Variants in MAGI3 observed in about 807,000 individuals in gnomAD.
MAGI3 encodes membrane-associated guanylate kinase, WW and PDZ domain-containing protein 3.
MAGI3 carries 43 observed loss-of-function variants against 121.8 expected under a neutral mutation model. The observed-to-expected ratio is 0.35, with a 90% CI of 0.28 to 0.46. The LOEUF is 0.46. Ranked by LOEUF, MAGI3 falls within the 20% of genes least tolerant of loss-of-function variation. The pLI is 1.00. For synonymous variants in MAGI3, 553 were observed against 639.3 expected, an observed-to-expected ratio of 0.86 and a Z score of 2.04; for missense variants, 1,547 against 1,797.3, an observed-to-expected ratio of 0.86 and a Z score of 2.52.
Position 113,585,513 on chromosome 1 carries a change from G to A in MAGI3, c.680G>A (p.Ser227Asn), listed in dbSNP as rs773419465. 6.2e-7 allele frequency: 1 copy of A among 1,614,128 alleles called. No homozygotes were observed. The highest frequency in any genetic ancestry group is 8.5e-7 in the Non-Finnish European group (1 of 1,180,014). ...CAAAGAAAACGAACGACATCTGTCA[G>A]CAAGATGGAAAGAATGGATAGCTCT... ...ESQRKRTTSV[S>N]KMERMDSSLP... is the part of the protein sequence containing the mutation. The change falls in exon 4 of 21, where the codon AGC (serine) becomes AAC (asparagine). Residue 227 changes from serine (S) to asparagine (N), a missense_variant. By Grantham distance (46) the Ser-to-Asn change is conservative (BLOSUM62 1). Coordinates refer to ENST00000307546, the MANE Select transcript of MAGI3 (RefSeq NM_001142782.2).
intron 1 of MAGI3, among the ~76,000 whole-genome samples, chr1:113,487,285 A>G (rs1291653562): frequency 6.6e-6 from 1 of 152,226 alleles, no homozygotes; most frequent in Admixed American, 6.5e-5. Context: ...GACAGAAGAA[A>G]CTTGGCTGGG....
At chr1:113,514,643 G>A (rs980486253) in intron 1 of MAGI3, among the ~76,000 whole-genome samples, 1 of 151,998 alleles carries the variant, frequency 6.6e-6, no homozygotes, top group Non-Finnish European at 1.5e-5. Context: ...GGGGGAGGGG[G>A]AGGGATAGCT....
chr1:113,436,836 C>T (rs1167608241), intron 1 of MAGI3, among the ~76,000 whole-genome samples: 15 of 121,518 alleles, frequency 1.2e-4, no homozygotes, highest in Admixed American at 1.1e-3. Context: ...TTTTTTGAGA[C>T]GGAGTCTCAC....
At chr1:113,408,478 A>G (rs1055617162) in intron 1 of MAGI3, among the ~76,000 whole-genome samples, 1 of 152,186 alleles carries the variant, frequency 6.6e-6, no homozygotes, top group Non-Finnish European at 1.5e-5. Context: ...GTTGGTATCC[A>G]ACCTGGAAGT....
In MAGI3 at chr1:113,685,874, A is replaced by C. The variant is rs1648520247; in HGVS notation, c.*1860A>C. On this transcript the variant is annotated 3_prime_UTR_variant, in exon 21 of 21. Coordinates refer to ENST00000307546, the MANE Select transcript of MAGI3 (RefSeq NM_001142782.2). ...ATACACTTGAGGTTCTGATTAGAGA[A>C]AGATCTGTAAATTGCTCATTATTTT... 6.6e-6 allele frequency: 1 copy of C among 152,304 alleles called. No homozygotes were observed. The highest frequency in any genetic ancestry group is 1.5e-5 in the Non-Finnish European group (1 of 68,030). The allele number at this position is 152,304 out of a possible 1,614,324, so 9.4% of individuals were successfully genotyped here.
chr1:113,655,070 C>A (rs979225854), intron 15 of MAGI3, among the ~76,000 whole-genome samples: 1 of 152,260 alleles, frequency 6.6e-6, no homozygotes, highest in Non-Finnish European at 1.5e-5. Context: ...TTTCCATTTT[C>A]CCAAAGCAGT....
rs1317038739 is a variant in MAGI3, at chr1:113,540,249, A to G, written c.317-9266A>G. Among the ~76,000 whole-genome samples the G allele has an allele frequency of 2.0e-5, 3 of 152,246 alleles. No homozygotes were observed. In the East Asian group the frequency reaches 5.8e-4, roughly 29 times the overall value. On this transcript the variant is annotated intron_variant, in intron 1 of 20. Coordinates refer to ENST00000307546, the MANE Select transcript of MAGI3 (RefSeq NM_001142782.2). ...AAAATGTCATTTTTGCACGTTTAAG[A>G]CAAGCGTTTATTTAGCACTATGCTA...
chr1:113,489,272 G>C (rs986653434), intron 1 of MAGI3, among the ~76,000 whole-genome samples: 2 of 151,146 alleles, frequency 1.3e-5, no homozygotes, highest in African/African-American at 4.8e-5. Context: ...CTGGAGTTGA[G>C]AGCTGAGCAG....
chr1:113,639,552 C>T (rs940714829), intron 9 of MAGI3, among the ~76,000 whole-genome samples: 2 of 152,046 alleles, frequency 1.3e-5, no homozygotes, highest in African/African-American at 4.8e-5. Context: ...CAGGCGCACG[C>T]CACCATGCCT....
In MAGI3 at chr1:113,573,919, C is replaced by G. The variant is rs1647463674; in HGVS notation, c.434-6623C>G. Among the ~76,000 whole-genome samples the G allele has an allele frequency of 2.0e-5, 3 of 152,128 alleles. No homozygotes were observed. The South Asian group carries it at 6.2e-4, about 32-fold the overall frequency. On this transcript the variant is annotated intron_variant, in intron 2 of 20. Coordinates refer to ENST00000307546, the MANE Select transcript of MAGI3 (RefSeq NM_001142782.2). ...TATTTGGGATAGTTAGCTCTTGTTG[C>G]ATGGATCCCTTTACCATTATGTAAT... is the stretch of plus-strand genomic sequence containing the variant.
intron 6 of MAGI3, among the ~76,000 whole-genome samples, chr1:113,598,280 C>T (rs866875369): frequency 4.2e-5 from 5 of 118,506 alleles, no homozygotes; most frequent in South Asian, 2.6e-4. Flanking sequence ...GTAAAGAAAA[C>T]AAAGTACTAG....
intron 1 of MAGI3, among the ~76,000 whole-genome samples, chr1:113,515,844 G>A (rs187330676): frequency 6.6e-6 from 1 of 152,106 alleles, no homozygotes; most frequent in Non-Finnish European, 1.5e-5. Context: ...CCGTGGTACT[G>A]ATTATTGAAA....
chr1:113,592,280 C>T (rs1422813348), intron 5 of MAGI3, among the ~76,000 whole-genome samples: 1 of 152,126 alleles, frequency 6.6e-6, no homozygotes, highest in African/African-American at 2.4e-5. Flanking sequence ...ATTACTGCTG[C>T]TGTTGAAAAA....
chr1:113,477,501 G>A (rs984520368), intron 1 of MAGI3, among the ~76,000 whole-genome samples: 1 of 152,144 alleles, frequency 6.6e-6, no homozygotes, highest in African/African-American at 2.4e-5. Context: ...ATTTTGGCTG[G>A]ATATGAAATT....
At chr1:113,432,539 A>AT (rs899421709) in intron 1 of MAGI3, among the ~76,000 whole-genome samples, 23 of 149,634 alleles carry the variant, frequency 1.5e-4, no homozygotes, top group African/African-American at 2.9e-4. Flanking sequence ...AATTTTTGTT[A>AT]TTTTTTTTTT....
In MAGI3 at chr1:113,391,256, A is replaced by G. The variant is rs749715932; in HGVS notation, c.223A>G (p.Asn75Asp). 4 of 1,581,958 alleles carry G rather than the reference A, an allele frequency of 2.5e-6. No homozygotes were observed. The East Asian group carries it at 7.0e-5, about 28-fold the overall frequency. Residue 75 changes from asparagine (N) to aspartate (D), a missense_variant, in exon 1 of 21, where the codon AAC (asparagine) becomes GAC (aspartate). By Grantham distance (23) the Asn-to-Asp change is conservative. Coordinates refer to ENST00000307546, the MANE Select transcript of MAGI3 (RefSeq NM_001142782.2). The surrounding 1 kb of genome is among the most constrained non-coding windows in gnomAD (Gnocchi z 4.4). ...PSPGDVLLEV[N>D]GTPVSGLTNR... is the part of the protein sequence containing the mutation. ...CCCAGGCGATGTGCTGCTGGAGGTAAACGGGACGCCTGTCAGCGGGCTCAC... is the reference window on the plus strand; with the variant it reads ...CCCAGGCGATGTGCTGCTGGAGGTAGACGGGACGCCTGTCAGCGGGCTCAC...
intron 6 of MAGI3, among the ~76,000 whole-genome samples, chr1:113,610,753 T>A (rs111408799): frequency 0.1 from 15,771 of 152,048 alleles, 1,044 homozygotes; most frequent in East Asian, 0.2. Context: ...CTGGCCAACA[T>A]GGTAAAACCC....
chr1:113,678,922 A>G (rs1162820935), intron 19 of MAGI3, among the ~76,000 whole-genome samples: 2 of 152,088 alleles, frequency 1.3e-5, no homozygotes, highest in South Asian at 2.1e-4. Flanking sequence ...TATTATTTCT[A>G]TTCTTTAGTC....
At chr1:113,519,904 G>C (rs568274574) in intron 1 of MAGI3, among the ~76,000 whole-genome samples, 1 of 152,332 alleles carries the variant, frequency 6.6e-6, no homozygotes, top group East Asian at 1.9e-4. Flanking sequence ...CCAAAATCCA[G>C]AATCCCAGGG....
Sources: gnomAD v4.1 joint callset for allele counts (sites outside exome capture counted in the v4.1 genomes callset) on GRCh38, gnomAD v4.1.1 for gene constraint, Gnocchi (gnomAD v3.1) non-coding constraint, MANE v1.5 for transcripts, NCBI Gene and HGNC (gene_info 2026-07-23, HGNC 2026-07-21) for gene names.